Variants in FREM1 observed in about 807,000 individuals in gnomAD.
FREM1 encodes the protein FRAS1 related extracellular matrix 1.
FREM1 carries 220 observed loss-of-function variants against 210.1 expected under a neutral mutation model. The observed-to-expected ratio is 1.05, with a 90% CI of 0.94 to 1.17. The LOEUF is 1.17. Among genes scored for constraint, FREM1 ranks in the 50% most tolerant of loss-of-function variants. The pLI is 0.00. For missense variants in FREM1, 3,454 were observed against 2,675.5 expected, an observed-to-expected ratio of 1.29 and a Z score of -6.42; for synonymous variants, 1,189 against 980.2, an observed-to-expected ratio of 1.21 and a Z score of -3.98.
chr9:14,903,550 G>A (rs1420524305), intron 1 of FREM1, among the ~76,000 whole-genome samples: 5 of 152,136 alleles, frequency 3.3e-5, no homozygotes, highest in African/African-American at 7.2e-5. Context: ...TCAGGATTCC[G>A]TAAGACCTCA....
At chr9:14,802,943 A>C (rs1305617803) in intron 19 of FREM1, among the ~76,000 whole-genome samples, 1 of 152,170 alleles carries the variant, frequency 6.6e-6, no homozygotes. Flanking sequence ...CTTGAAGGAC[A>C]TGTATGGTTT....
intron 1 of FREM1, among the ~76,000 whole-genome samples, chr9:14,897,746 A>G (rs780752752): frequency 3.3e-5 from 5 of 152,092 alleles, no homozygotes; most frequent in Middle Eastern, 3.2e-3. Flanking sequence ...ACTCGCCACC[A>G]TGCCTGACTA....
intron 1 of FREM1, among the ~76,000 whole-genome samples, chr9:14,885,439 G>A (rs1252220060): frequency 6.6e-6 from 1 of 151,634 alleles, no homozygotes; most frequent in East Asian, 2.0e-4. Flanking sequence ...TTGTTTTAGA[G>A]ACAGGGGTTT....
intron 1 of FREM1, among the ~76,000 whole-genome samples, chr9:14,890,589 T>C (rs1836643264): frequency 6.6e-6 from 1 of 152,228 alleles, no homozygotes; most frequent in Non-Finnish European, 1.5e-5. Context: ...CTTTGAGAAA[T>C]CATTCAAGAG....
chr9:14,808,485 C>A (rs1398029793), intron 16 of FREM1, among the ~76,000 whole-genome samples: 1 of 152,054 alleles, frequency 6.6e-6, no homozygotes, highest in East Asian at 1.9e-4. Flanking sequence ...ATGTTATGAC[C>A]AACCTCAGGG....
At chr9:14,819,196 TA>T in intron 14 of FREM1, 37 bp downstream of exon 14, 1 of 1,448,540 alleles carries the variant, frequency 6.9e-7, no homozygotes, top group Non-Finnish European at 9.5e-7. Context: ...GATAAGAAAC[TA>T]AAGCATGTAA....
intron 4 of FREM1, 108 bp downstream of exon 4, chr9:14,859,075 C>T (rs1829327091): frequency 1.1e-6 from 1 of 894,594 alleles, no homozygotes; most frequent in Admixed American, 3.0e-5. Context: ...GTTCAGCCAG[C>T]TAAAATGACT....
chr9:14,892,543 C>T (rs1420469618), intron 1 of FREM1, among the ~76,000 whole-genome samples: 1 of 152,120 alleles, frequency 6.6e-6, no homozygotes, highest in Non-Finnish European at 1.5e-5. Context: ...TCCCTCTCAG[C>T]TAAGAACGGG....
chr9:14,787,507 CT>C (rs535086269), intron 23 of FREM1, among the ~76,000 whole-genome samples: 6 of 152,162 alleles, frequency 3.9e-5, no homozygotes, highest in Non-Finnish European at 7.3e-5. Flanking sequence ...ATTGCCCAGC[CT>C]CTCTTAATGT....
intron 10 of FREM1, among the ~76,000 whole-genome samples, chr9:14,839,981 C>G (rs1042139045): frequency 4.6e-5 from 7 of 152,138 alleles, no homozygotes; most frequent in Admixed American, 2.6e-4. Flanking sequence ...AGGAATTGAC[C>G]TGTTAGTCAA....
At chr9:14,759,688 G>A in intron 28 of FREM1, 84 bp downstream of exon 28, 1 of 1,321,208 alleles carries the variant, frequency 7.6e-7, no homozygotes, top group Non-Finnish European at 1.0e-6. Context: ...TGGTCACTCT[G>A]AATTTTTCTA....
chr9:14,748,933 A>G (rs1209232273), intron 30 of FREM1, among the ~76,000 whole-genome samples: 2 of 152,188 alleles, frequency 1.3e-5, no homozygotes, highest in African/African-American at 4.8e-5. Flanking sequence ...TACTGGGGGG[A>G]AAGTCTCACT....
intron 35 of FREM1, among the ~76,000 whole-genome samples, chr9:14,743,827 T>C (rs1003902566): frequency 1.3e-5 from 2 of 152,126 alleles, no homozygotes; most frequent in African/African-American, 4.8e-5. Context: ...TGCAATCATC[T>C]TCTTGCTAGT....
At chr9:14,799,105 C>T (rs999343478) in intron 20 of FREM1, among the ~76,000 whole-genome samples, 2 of 152,018 alleles carry the variant, frequency 1.3e-5, no homozygotes, top group Admixed American at 1.3e-4. Context: ...ACAGGGAGAC[C>T]CTGTCTCTAC....
chr9:14,784,505 G>A lies in FREM1; in HGVS notation c.4307C>T (p.Pro1436Leu). 2 of 1,613,870 alleles carry A rather than the reference G, an allele frequency of 1.2e-6. No homozygotes were observed. Among genetic ancestry groups the A allele is most frequent in the Non-Finnish European group, 1.7e-6 (2 of 1,179,842 alleles). Residue 1436 changes from proline to leucine, a missense_variant, in exon 24 of 37, where the codon CCT (proline) becomes CTT (leucine). Coordinates refer to ENST00000380880, the MANE Select transcript of FREM1 (RefSeq NM_001379081.2). ...ATATTCGATCTGGCCATATCGCGGA[G>A]GGGAGGTGATGACATAGAGCAGTTC... is the stretch of plus-strand genomic sequence containing the variant. ...PEELLYVITS[P>L]PRYGQIEYVH...
chr9:14,779,352 T>G (rs945480241), intron 24 of FREM1: 1 of 296,802 alleles, frequency 3.4e-6, no homozygotes, highest in Non-Finnish European at 5.0e-6. Flanking sequence ...GCATTAATTG[T>G]AGAGCTATAG....
chr9:14,822,009 T>C (rs1821443025), intron 13 of FREM1, among the ~76,000 whole-genome samples: 1 of 152,124 alleles, frequency 6.6e-6, no homozygotes, highest in African/African-American at 2.4e-5. Context: ...GATAACTGAA[T>C]CATAGGGGCA....
At chr9:14,778,876 T>C (rs1234823896) in intron 24 of FREM1, among the ~76,000 whole-genome samples, 4 of 151,820 alleles carry the variant, frequency 2.6e-5, no homozygotes, top group Non-Finnish European at 4.4e-5. Flanking sequence ...AAGCCCATCT[T>C]AAAAAAAGAA....
intron 24 of FREM1, among the ~76,000 whole-genome samples, chr9:14,779,933 G>C (rs1029000261): frequency 6.6e-6 from 1 of 152,144 alleles, no homozygotes; most frequent in Non-Finnish European, 1.5e-5. Context: ...CACAGGCAGA[G>C]AGACATCATC....
Sources: allele counts gnomAD v4.1 joint callset (sites outside exome capture counted in the v4.1 genomes callset), GRCh38; gene constraint gnomAD v4.1.1; transcripts MANE v1.5; gene names NCBI Gene and HGNC (gene_info 2026-07-23, HGNC 2026-07-21).